Variants in PPFIA4 observed in about 807,000 individuals in gnomAD.
PPFIA4 encodes liprin-alpha-4.
A neutral mutation model predicts 145.7 loss-of-function variants in PPFIA4; 98 were observed. That is an observed-to-expected ratio of 0.67 (90% CI 0.57 to 0.80). The LOEUF (loss-of-function observed/expected upper bound fraction) is 0.80, where lower values mean the gene tolerates loss of function less well. PPFIA4 is among the 30% of genes least tolerant of loss of function. PPFIA4 has a pLI of 0.00. For synonymous variants in PPFIA4, 628 were observed against 649.6 expected (o/e 0.97, Z 0.51); for missense variants, 1,457 against 1,632.7 (o/e 0.89, Z 1.85).
At chr1:203,069,921 G>A (rs1105454) in intron 27 of PPFIA4, among the ~76,000 whole-genome samples, 22,716 of 152,028 alleles carry the variant, frequency 0.15, 1,825 homozygotes, top group Non-Finnish European at 0.16. Flanking sequence ...TTTGTGAGAC[G>A]CTTCTGAAAT....
chr1:203,077,785 A>G lies in PPFIA4; in HGVS notation c.*1395A>G, dbSNP rs542220543. The G allele has an allele frequency of 6.6e-6, 1 of 152,312 alleles. No homozygotes were observed. Among genetic ancestry groups the G allele is most frequent in the South Asian group, 2.1e-4 (1 of 4,824 alleles). 9.4% of individuals were successfully genotyped at this position (152,312 alleles called of 1,614,324 possible). ...TCCTCACCTACTCCCTCATCCTACC[A>G]AGGTGCCTGAAAATGTTCAAGACTT... On this transcript the variant is annotated 3_prime_UTR_variant, in exon 30 of 30. Coordinates refer to ENST00000295706, the MANE Select transcript of PPFIA4 (RefSeq NM_001304331.2).
In PPFIA4 at chr1:203,045,574, A is replaced by G; in HGVS notation, c.858+15A>G. ...ACCTCCGGGAGGTGCGTGAGGGCGC[A>G]GGCCTGCTCTGTGACCTCATTGTGG... On this transcript the variant is annotated intron_variant, in intron 7 of 29. Transcript: ENST00000295706. 1.3e-6 allele frequency: 2 copies of G among 1,557,682 alleles called. No homozygotes were observed. Among genetic ancestry groups the G allele is most frequent in the Non-Finnish European group, 8.7e-7 (1 of 1,151,404 alleles).
chr1:203,034,551 G>A (rs770655450), intron 1 of PPFIA4: 26 of 456,434 alleles, frequency 5.7e-5, no homozygotes, highest in South Asian at 1.1e-4. Context: ...TGGGAGTGGG[G>A]GGCAGTGGGG....
At position 203,068,187 on chromosome 1, in the gene PPFIA4, A is replaced by C. The variant is rs1366259192; in HGVS notation, c.3149-266A>C. The stretch of plus-strand genomic sequence containing the variant: ...TTGGGTCAGGGGGATGACCCGTGCA[A>C]GGGTTCTGGGGAGAAAGCTTGGAGC... On this transcript the variant is annotated intron_variant, in intron 26 of 29. Transcript: ENST00000295706. This position sits in a 1 kb window ranked among gnomAD's most constrained non-coding sequence, Gnocchi z 4.7. Among the ~76,000 whole-genome samples, 5 of 152,190 alleles carry C rather than the reference A, an allele frequency of 3.3e-5. No individual in the cohort carries two copies. The highest frequency in any genetic ancestry group is 2.0e-4 in the Admixed American group (3 of 15,286).
rs112683890 is a variant in PPFIA4, at chr1:203,051,798, G to A, written c.1541G>A (p.Arg514Gln). 1.5e-4 allele frequency: 237 copies of A among 1,613,604 alleles called. No homozygotes were observed. Among genetic ancestry groups the A allele is most frequent in the Non-Finnish European group, 1.9e-4 (227 of 1,179,764 alleles). ...RSHMGSAADVRFSLGTTTHAP... is the reference protein window; with the variant it reads ...RSHMGSAADVQFSLGTTTHAP... The stretch of plus-strand genomic sequence containing the variant: ...CACATGGGCAGTGCAGCAGACGTGC[G>A]GTTCTCCCTGGGCACAACCACACAC... The change falls in exon 14 of 30, where the codon CGG becomes CAG. Residue 514 changes from arginine (R) to glutamine (Q), a missense_variant. Transcript: ENST00000295706.
chr1:203,034,286 G>T lies in PPFIA4; in HGVS notation c.-399-4324G>T, dbSNP rs569106333. ...GCTGGGCAAACAGGAGCTATAGGTG[G>T]GTCCTGGGAGCAGACCTCAGTGAGC... On this transcript the variant is annotated intron_variant, in intron 1 of 29. Coordinates refer to ENST00000295706, the MANE Select transcript of PPFIA4 (RefSeq NM_001304331.2). 2.0e-5 allele frequency among the ~76,000 whole-genome samples: 3 copies of T among 152,248 alleles called. No individual in the cohort carries two copies. In the East Asian group the frequency reaches 5.8e-4, roughly 29 times the overall value.
rs780286045 is a variant in PPFIA4 at position 203,043,876 on chromosome 1, C to G, written c.337-55C>G. 5.9e-6 allele frequency: 9 copies of G among 1,519,428 alleles called. No homozygotes were observed. The highest frequency in any genetic ancestry group is 2.0e-5 in the Admixed American group (1 of 51,024). The allele number at this position is 1,519,428 out of a possible 1,614,324, so 94.1% of individuals were successfully genotyped here. On this transcript the variant is annotated intron_variant, in intron 3 of 29. Transcript: ENST00000295706. The surrounding 1 kb of genome is among the most constrained non-coding windows in gnomAD (Gnocchi z 4.4). ...GATCACATGGACCCTGCTTGTAGCC[C>G]CTGGGGCACATGCTTACAGCCCTCC...
chr1:203,045,232 G>A (rs1659984193), intron 6 of PPFIA4, 136 bp from the exon 7 acceptor site: 1 of 747,678 alleles, frequency 1.3e-6, no homozygotes, highest in African/African-American at 1.8e-5. Context: ...GTTGTAGCCA[G>A]AGGAGTGCTG....
intron 19 of PPFIA4, 54 bp downstream of exon 19, chr1:203,057,004 A>T: frequency 6.2e-7 from 1 of 1,603,348 alleles, no homozygotes; most frequent in Non-Finnish European, 8.5e-7. Flanking sequence ...CATCAGAAGC[A>T]GGAAGGTGTA....
At chr1:203,046,836 G>C (rs1660123435) in intron 9 of PPFIA4, among the ~76,000 whole-genome samples, 1 of 152,108 alleles carries the variant, frequency 6.6e-6, no homozygotes, top group African/African-American at 2.4e-5. Flanking sequence ...ATCTTTGATT[G>C]CCAAATTGAA....
At chr1:203,072,216 C>G (rs1662219812) in intron 28 of PPFIA4, among the ~76,000 whole-genome samples, 1 of 152,172 alleles carries the variant, frequency 6.6e-6, no homozygotes, top group Non-Finnish European at 1.5e-5. Flanking sequence ...AGGCGGATGC[C>G]CTGCTGAGGT....
At position 203,061,004 on chromosome 1, in the gene PPFIA4, T is replaced by C; in HGVS notation, c.2819T>C (p.Met940Thr). The C allele has an allele frequency of 6.2e-7, 1 of 1,613,982 alleles. No individual in the cohort carries two copies. The highest frequency in any genetic ancestry group is 8.5e-7 in the Non-Finnish European group (1 of 1,179,884). Residue 940 changes from methionine to threonine, a missense_variant, in exon 23 of 30, where the codon ATG (methionine) becomes ACG (threonine). Met to Thr is a moderately conservative substitution (Grantham distance 81, BLOSUM62 -1). Around this residue, in one of 3 missense-constraint regions of PPFIA4, gnomAD observed 848 missense variants for 1,046.7 expected, o/e 0.81. Transcript: ENST00000295706. ...SGNVWVTHEEMETLETSTKTD... is the reference protein window; with the variant it reads ...SGNVWVTHEETETLETSTKTD... ...AATGTCTGGGTCACCCATGAAGAGA[T>C]GGAAACTCTGGAAACATCTACTAAA...
intron 27 of PPFIA4, 92 bp from the exon 28 acceptor site, chr1:203,071,600 A>C: frequency 9.7e-7 from 1 of 1,032,648 alleles, no homozygotes; most frequent in Non-Finnish European, 1.5e-6. Flanking sequence ...TGCATCTCTG[A>C]CCTTGGACCC....
Position 203,043,254 on chromosome 1 carries a change from C to G in PPFIA4, c.235-143C>G. 1.4e-6 allele frequency: 1 copy of G among 696,154 alleles called. No individual in the cohort carries two copies. Among genetic ancestry groups the G allele is most frequent in the Non-Finnish European group, 2.5e-6 (1 of 394,032 alleles). The allele number at this position is 696,154 out of a possible 1,614,324, so 43.1% of individuals were successfully genotyped here. On this transcript the variant is annotated intron_variant, in intron 2 of 29. Coordinates refer to ENST00000295706, the MANE Select transcript of PPFIA4 (RefSeq NM_001304331.2). The surrounding 1 kb of genome is among the most constrained non-coding windows in gnomAD (Gnocchi z 4.4). ...ACATGCTAGCTACAGGTTTACTGAC[C>G]TGCAGTGTGGATGGATTGGGATTTT...
At chr1:203,029,848 A>G (rs1009929184) in intron 1 of PPFIA4, among the ~76,000 whole-genome samples, 1 of 152,250 alleles carries the variant, frequency 6.6e-6, no homozygotes, top group Non-Finnish European at 1.5e-5. Context: ...TATGGTATAT[A>G]TGTATTCTAT....
In PPFIA4 at chr1:203,068,509, C is replaced by G; in HGVS notation, c.3205C>G (p.Arg1069Gly). The change falls in exon 27 of 30, where the codon CGG becomes GGG. Residue 1069 changes from arginine (R) to glycine (G), a missense_variant. By Grantham distance (125) the Arg-to-Gly change is moderately radical (BLOSUM62 -2). Coordinates refer to ENST00000295706, the MANE Select transcript of PPFIA4 (RefSeq NM_001304331.2). The surrounding 1 kb of genome is among the most constrained non-coding windows in gnomAD (Gnocchi z 4.7). ...TCATTGGGTCCAGTCTATTGGGCTCCGGGACTACGCAGGAAACCTGCATGA... is the reference window on the plus strand; with the variant it reads ...TCATTGGGTCCAGTCTATTGGGCTCGGGGACTACGCAGGAAACCTGCATGA... Reference protein sequence around the residue: ...VVHWVQSIGLRDYAGNLHESG... With the variant: ...VVHWVQSIGLGDYAGNLHESG... 1 of 1,608,916 alleles carries G rather than the reference C, an allele frequency of 6.2e-7. No individual in the cohort carries two copies. The highest frequency in any genetic ancestry group is 8.5e-7 in the Non-Finnish European group (1 of 1,177,750).
In PPFIA4 at chr1:203,076,772, G is replaced by GTTGGTTGGTT; in HGVS notation, c.*382_*383insTTGGTTGGTT. 3.5e-6 allele frequency: 1 copy of GTTGGTTGGTT among 289,438 alleles called. No individual in the cohort carries two copies. Among genetic ancestry groups the GTTGGTTGGTT allele is most frequent in the South Asian group, 5.0e-5 (1 of 19,962 alleles). The allele number at this position is 289,438 out of a possible 1,614,324, so 17.9% of individuals were successfully genotyped here. On this transcript the variant is annotated 3_prime_UTR_variant, in exon 30 of 30. Coordinates refer to ENST00000295706, the MANE Select transcript of PPFIA4 (RefSeq NM_001304331.2). ...AGGATCCTGGGCCACAGGCTGGGAT[G>GTTGGTTGGTT]GTCCTTCCAAGAAAGGGTCATTTCA...
chr1:203,053,956 A>C lies in PPFIA4; in HGVS notation c.1824A>C (p.Glu608Asp), dbSNP rs1660725960. 1 of 1,562,628 alleles carries C rather than the reference A, an allele frequency of 6.4e-7. No individual in the cohort carries two copies. Among genetic ancestry groups the C allele is most frequent in the Non-Finnish European group, 8.7e-7 (1 of 1,153,424 alleles). The change falls in exon 15 of 30, where the codon GAA becomes GAC. Residue 608 changes from glutamate to aspartate, a missense_variant. By Grantham distance (45) the Glu-to-Asp change is conservative. Transcript: ENST00000295706. ...LQEQLDAINE[E>D]IRMIQEEKES... Reference sequence around the variant, plus strand: ...AGCAGCTGGATGCCATCAATGAGGAAATCAGGTTAGGGCAGGGCTGGAGGG... The same window carrying C: ...AGCAGCTGGATGCCATCAATGAGGACATCAGGTTAGGGCAGGGCTGGAGGG...
intron 15 of PPFIA4, 147 bp downstream of exon 15, chr1:203,054,108 C>T (rs747861046): frequency 1.4e-4 from 129 of 910,388 alleles, no homozygotes; most frequent in Middle Eastern, 6.5e-4. Context: ...TCATCAGGCC[C>T]GCTGCCAGTG....
Sources: allele counts gnomAD v4.1 joint callset (sites outside exome capture counted in the v4.1 genomes callset), GRCh38; gene constraint gnomAD v4.1.1; regional missense constraint gnomAD v4.1.1; non-coding constraint Gnocchi (gnomAD v3.1); transcripts MANE v1.5; gene names NCBI Gene and HGNC (gene_info 2026-07-23, HGNC 2026-07-21).